The following VPS13A variants were observed in gnomAD, a reference collection of about 807,000 sequenced individuals.
VPS13A encodes intermembrane lipid transfer protein VPS13A.
VPS13A carries 264 observed loss-of-function variants against 390.9 expected under a neutral mutation model. That is an observed-to-expected ratio of 0.68 (90% CI 0.61 to 0.75). The LOEUF (loss-of-function observed/expected upper bound fraction) is 0.75. Among genes scored for constraint, VPS13A ranks in the 30% least tolerant of loss-of-function variants. The pLI, the probability that VPS13A is intolerant of heterozygous loss-of-function variation, is 0.00. For missense variants in VPS13A, 3,409 were observed against 3,733.9 expected (o/e 0.91, Z 2.27); for synonymous variants, 1,231 against 1,227.1 (o/e 1.00, Z -0.07).
chr9:77,406,578 G>T (rs1040514944), intron 70 of VPS13A, among the ~76,000 whole-genome samples: 1 of 151,870 alleles, frequency 6.6e-6, no homozygotes, highest in African/African-American at 2.4e-5. Context: ...CCACCATGCC[G>T]ACTAATTTTT....
chr9:77,270,190 G>A (rs1482064352), intron 23 of VPS13A, among the ~76,000 whole-genome samples: 2 of 152,150 alleles, frequency 1.3e-5, no homozygotes, highest in African/African-American at 4.8e-5. Context: ...AATGGGCAGA[G>A]ACTGGAAGAA....
chr9:77,265,648 C>T (rs1038229817), intron 23 of VPS13A, among the ~76,000 whole-genome samples: 17 of 152,134 alleles, frequency 1.1e-4, no homozygotes, highest in African/African-American at 4.1e-4. Context: ...GTGATATCCT[C>T]TTTAGCATTT....
Position 77,417,256 on chromosome 9 carries a change from C to CTGT in VPS13A, c.*1252_*1254dup, listed in dbSNP as rs1360815965. The CTGT allele has an allele frequency of 6.6e-6, 1 of 152,116 alleles. No homozygotes were observed. Among genetic ancestry groups the CTGT allele is most frequent in the Non-Finnish European group, 1.5e-5 (1 of 68,018 alleles). 9.4% of individuals were successfully genotyped at this position (152,116 alleles called of 1,614,324 possible). On this transcript the variant is annotated 3_prime_UTR_variant, in exon 72 of 72. Transcript: ENST00000360280. Reference sequence around the variant, plus strand: ...GTATGTGCCACCAAGTTACTATTAACTGTTTTTGGAATTGAAGACTCTGTA... The same window carrying CTGT: ...GTATGTGCCACCAAGTTACTATTAACTGTTGTTTTTGGAATTGAAGACTCTGTA...
At chr9:77,392,043 A>G (rs950075223) in intron 68 of VPS13A, among the ~76,000 whole-genome samples, 1 of 152,188 alleles carries the variant, frequency 6.6e-6, no homozygotes, top group Admixed American at 6.5e-5. Context: ...CATAAAACAC[A>G]TGCCACGTTA....
chr9:77,282,032 A>G, intron 28 of VPS13A, 89 bp from the exon 29 acceptor site: 1 of 1,412,978 alleles, frequency 7.1e-7, no homozygotes, highest in Non-Finnish European at 9.9e-7. Flanking sequence ...TATAAATTAT[A>G]TCCTTTATGC....
intron 23 of VPS13A, among the ~76,000 whole-genome samples, chr9:77,264,709 G>A (rs901345561): frequency 3.3e-5 from 5 of 152,050 alleles, no homozygotes; most frequent in African/African-American, 1.2e-4. Flanking sequence ...GAGGCATTGG[G>A]GTTTTCTAAA....
intron 69 of VPS13A, among the ~76,000 whole-genome samples, chr9:77,403,868 A>T (rs1489623789): frequency 2.0e-5 from 3 of 152,204 alleles, no homozygotes; most frequent in Non-Finnish European, 4.4e-5. Context: ...CAAGTGCATT[A>T]GTAAGATGGC....
Position 77,210,673 on chromosome 9 carries a change from C to A in VPS13A, c.553C>A (p.Gln185Lys). ...TATTTCCCTTCAAAATCTGAGCATG[C>A]AGGTATTTTGTTTATAAAAGAATCT... Reference protein sequence around the residue: ...FGISLQNLSMQTTDQYWVPCL... With the variant: ...FGISLQNLSMKTTDQYWVPCL... Residue 185 changes from glutamine (Q) to lysine (K), a missense_variant and splice_region_variant, in exon 7 of 72, where the codon CAG becomes AAG. Gln to Lys is a moderately conservative substitution (Grantham distance 53). This residue lies in a region of VPS13A where 2,717 missense variants were observed against 2,917.4 expected (regional missense o/e 0.93). Transcript: ENST00000360280. 6.2e-7 allele frequency: 1 copy of A among 1,613,516 alleles called. No homozygotes were observed. The highest frequency in any genetic ancestry group is 8.5e-7 in the Non-Finnish European group (1 of 1,179,738).
chr9:77,375,731 ATAAT>A (rs1388596014), intron 67 of VPS13A, among the ~76,000 whole-genome samples: 2 of 152,206 alleles, frequency 1.3e-5, no homozygotes, highest in East Asian at 1.9e-4. Context: ...AAGTAAGTAA[ATAAT>A]TATCTGAATA....
In VPS13A at chr9:77,339,807, A is replaced by G; in HGVS notation, c.6670A>G (p.Met2224Val). 2 of 1,614,128 alleles carry G rather than the reference A, an allele frequency of 1.2e-6. No homozygotes were observed. The highest frequency in any genetic ancestry group is 1.7e-6 in the Non-Finnish European group (2 of 1,179,988). ...TTGGATGGTCAATAAAACTGGCCGC[A>G]TGTTACAGTACAAAGCAGACGGAAT... ...PYWMVNKTGR[M>V]LQYKADGIHR... The change falls in exon 48 of 72, where the codon ATG becomes GTG. Residue 2224 changes from methionine (M) to valine (V), a missense_variant. Physicochemically the swap from Met to Val is conservative, Grantham distance 21. Around this residue, in one of 5 missense-constraint regions of VPS13A, gnomAD observed 2,717 missense variants for 2,917.4 expected, o/e 0.93. Transcript: ENST00000360280.
At chr9:77,378,740 G>A (rs375609875) in intron 67 of VPS13A, among the ~76,000 whole-genome samples, 4 of 151,156 alleles carry the variant, frequency 2.6e-5, no homozygotes, top group East Asian at 3.9e-4. Flanking sequence ...GCTAGCTTTG[G>A]GATTAGTTTG....
intron 68 of VPS13A, among the ~76,000 whole-genome samples, chr9:77,391,401 T>G (rs1001389852): frequency 3.9e-5 from 6 of 152,164 alleles, no homozygotes; most frequent in African/African-American, 1.4e-4. Context: ...TCATGCAAAA[T>G]CAGATTAGAG....
intron 67 of VPS13A, among the ~76,000 whole-genome samples, chr9:77,372,119 C>T (rs931020034): frequency 4.6e-5 from 7 of 151,382 alleles, no homozygotes; most frequent in East Asian, 1.9e-4. Context: ...CATACGTGTG[C>T]GTGTGTCTTT....
At chr9:77,310,378 A>G (rs756340486) in intron 35 of VPS13A, among the ~76,000 whole-genome samples, 4 of 152,234 alleles carry the variant, frequency 2.6e-5, no homozygotes, top group Non-Finnish European at 5.9e-5. Flanking sequence ...GAAAAATAGC[A>G]TGAATTCCAC....
Position 77,276,233 on chromosome 9 carries a change from T to TTTTTTTAAATTA in VPS13A, c.2824+12_2824+13insTTTTTTAAATTA. 6.4e-7 allele frequency: 1 copy of TTTTTTTAAATTA among 1,573,592 alleles called. No individual in the cohort carries two copies. The highest frequency in any genetic ancestry group is 8.6e-7 in the Non-Finnish European group (1 of 1,161,426). ...CCCAGAATACTTGGGTAAGAATCTC[T>TTTTTTTAAATTA]ATTTTTTAAAATAAATAAATTAATT... On this transcript the variant is annotated intron_variant, in intron 26 of 71. Transcript: ENST00000360280.
chr9:77,409,061 G>C (rs1008996093), intron 71 of VPS13A, among the ~76,000 whole-genome samples: 1 of 152,230 alleles, frequency 6.6e-6, no homozygotes, highest in Non-Finnish European at 1.5e-5. Context: ...GGGGCAGACT[G>C]ACACCTCACA....
At chr9:77,218,315 G>A (rs1287550927) in intron 10 of VPS13A, among the ~76,000 whole-genome samples, 1 of 151,946 alleles carries the variant, frequency 6.6e-6, no homozygotes, top group East Asian at 1.9e-4. Flanking sequence ...GGGTTTCACT[G>A]TGTTAGCCAG....
chr9:77,338,731 T>C (rs1830661955), intron 47 of VPS13A: 1 of 152,168 alleles, frequency 6.6e-6, no homozygotes. Flanking sequence ...TCCTATATTA[T>C]AATAATAGGA....
chr9:77,269,831 G>A (rs1397325461), intron 23 of VPS13A, among the ~76,000 whole-genome samples: 1 of 152,182 alleles, frequency 6.6e-6, no homozygotes, highest in Non-Finnish European at 1.5e-5. Context: ...TGTATTTACA[G>A]ATAGGTTCTT....
Sources: allele counts gnomAD v4.1 joint callset (sites outside exome capture counted in the v4.1 genomes callset), GRCh38; gene constraint gnomAD v4.1.1; regional missense constraint gnomAD v4.1.1; transcripts MANE v1.5; gene names NCBI Gene and HGNC (gene_info 2026-07-23, HGNC 2026-07-21).